The following LRFN2 variants were observed in gnomAD, a reference collection of about 807,000 sequenced individuals.
The protein encoded by LRFN2 is leucine rich repeat and fibronectin type III domain containing 2, also known as leucine-rich repeat and fibronectin type-III domain-containing protein 2.
LRFN2 carries 18 observed loss-of-function variants against 37.3 expected under a neutral mutation model. The observed-to-expected ratio is 0.48, with a 90% CI of 0.33 to 0.72. The LOEUF is 0.72. LRFN2 is among the 30% of genes least tolerant of loss of function. LRFN2 has a pLI of 0.02. For missense variants in LRFN2, 1,006 were observed against 1,060.7 expected, an observed-to-expected ratio of 0.95 and a Z score of 0.72; for synonymous variants, 556 against 466.6, an observed-to-expected ratio of 1.19 and a Z score of -2.47.
intron 1 of LRFN2, among the ~76,000 whole-genome samples, chr6:40,447,786 TACCTAGTAGGTGGTCC>T (rs1228684587): frequency 6.6e-6 from 1 of 152,142 alleles, no homozygotes; most frequent in Non-Finnish European, 1.5e-5. Context: ...CTGGGTGGCC[TACCTAGTAGGTGGTCC>T]ACCTAGTAGG....
chr6:40,430,937 AAG>A (rs1198286242), intron 2 of LRFN2, among the ~76,000 whole-genome samples: 6 of 152,172 alleles, frequency 3.9e-5, no homozygotes, highest in African/African-American at 1.4e-4. Flanking sequence ...TCCCAGGGGA[AAG>A]AGACTCCCTG....
chr6:40,461,654 T>C (rs1456760473), intron 1 of LRFN2, among the ~76,000 whole-genome samples: 10 of 140,152 alleles, frequency 7.1e-5, no homozygotes, highest in African/African-American at 2.4e-4. Flanking sequence ...ATACACGAGA[T>C]AAATAAAGTA....
At chr6:40,424,249 T>G (rs1763295016) in intron 2 of LRFN2, among the ~76,000 whole-genome samples, 1 of 152,188 alleles carries the variant, frequency 6.6e-6, no homozygotes, top group South Asian at 2.1e-4. Context: ...AGTATGAGAC[T>G]GAGTCTCGAC....
At chr6:40,405,818 C>T (rs1472177206) in intron 2 of LRFN2, among the ~76,000 whole-genome samples, 1 of 152,144 alleles carries the variant, frequency 6.6e-6, no homozygotes, top group Non-Finnish European at 1.5e-5. Context: ...GGAAATTAGG[C>T]CAAAGAAAGC....
chr6:40,434,530 G>A (rs574564697), intron 1 of LRFN2, among the ~76,000 whole-genome samples: 64 of 149,974 alleles, frequency 4.3e-4, no homozygotes, highest in African/African-American at 1.5e-3. Context: ...CCAGGGGAGC[G>A]CAGTGGCGCA....
chr6:40,449,919 G>GT, intron 1 of LRFN2, among the ~76,000 whole-genome samples: 1 of 152,004 alleles, frequency 6.6e-6, no homozygotes, highest in East Asian at 1.9e-4. Flanking sequence ...ACTTTGCATT[G>GT]TTTTGGTTTT....
intron 1 of LRFN2, among the ~76,000 whole-genome samples, chr6:40,437,345 G>A (rs944689283): frequency 3.3e-5 from 5 of 152,136 alleles, no homozygotes; most frequent in African/African-American, 9.7e-5. Context: ...CCTTGGCTGT[G>A]TTGCCTGCCC....
rs536694282 is a variant in LRFN2 at position 40,503,356 on chromosome 6, G to A, written c.-18-70225C>T. Among the ~76,000 whole-genome samples the A allele has an allele frequency of 5.9e-5, 9 of 152,246 alleles. No homozygotes were observed. In the South Asian group the frequency reaches 1.2e-3, roughly 21 times the overall value. On this transcript the variant is annotated intron_variant, in intron 1 of 2. Transcript: ENST00000338305. ...AGCTACTCAGGAAAACTGACTAGTC[G>A]CAGTAATGGAGAGACTGTAGTGGGG...
intron 1 of LRFN2, among the ~76,000 whole-genome samples, chr6:40,576,748 G>A (rs761420887): frequency 5.9e-5 from 9 of 152,168 alleles, no homozygotes; most frequent in Non-Finnish European, 1.3e-4. Context: ...CACTGAGCTG[G>A]GGCTTTGGGT....
At chr6:40,514,572 C>T (rs550724843) in intron 1 of LRFN2, among the ~76,000 whole-genome samples, 1 of 152,152 alleles carries the variant, frequency 6.6e-6, no homozygotes, top group Non-Finnish European at 1.5e-5. Context: ...GCCTTGGCCT[C>T]CCAAAGTGCT....
rs371212402 is a variant in LRFN2 at position 40,540,768 on chromosome 6, G to A, written c.-19+46173C>T. Among the ~76,000 whole-genome samples, 183 of 152,246 alleles carry A rather than the reference G, an allele frequency of 1.2e-3. 2 individuals are homozygous for A. In the South Asian group the frequency reaches 0.028, roughly 24 times the overall value. On this transcript the variant is annotated intron_variant, in intron 1 of 2. Coordinates refer to ENST00000338305, the MANE Select transcript of LRFN2 (RefSeq NM_020737.3). ...GGTGGGGCAAGCACCCTGTCCTGGG[G>A]ACACACACACCACGGCCCCCAGATG...
intron 2 of LRFN2, among the ~76,000 whole-genome samples, chr6:40,425,334 C>A (rs964959095): frequency 3.3e-5 from 5 of 152,226 alleles, no homozygotes; most frequent in African/African-American, 7.2e-5. Flanking sequence ...TAGGAGCATG[C>A]CTGCTCTTCC....
At position 40,392,500 on chromosome 6, in the gene LRFN2, G is replaced by T. The variant is rs765288706; in HGVS notation, c.1813C>A (p.Arg605Ser). 1 of 1,583,830 alleles carries T rather than the reference G, an allele frequency of 6.3e-7. No individual in the cohort carries two copies. Among genetic ancestry groups the T allele is most frequent in the Non-Finnish European group, 8.6e-7 (1 of 1,166,422 alleles). Residue 605 changes from arginine (R) to serine (S), a missense_variant, in exon 3 of 3, where the codon CGC (arginine) becomes AGC (serine). Physicochemically the swap from Arg to Ser is moderately radical, Grantham distance 110 (BLOSUM62 -1). Transcript: ENST00000338305. This position sits in a 1 kb window ranked among gnomAD's most constrained non-coding sequence, Gnocchi z 4.7. ...PPQGPPKVVV[R>S]NELLDFTASL... ...GCGGTGAAGTCCAGGAGCTCGTTGC[G>T]CACCACCACCTTCGGCGGGCCCTGC... is the stretch of plus-strand genomic sequence containing the variant.
chr6:40,535,959 C>CT (rs1766440869), intron 1 of LRFN2, among the ~76,000 whole-genome samples: 1 of 152,026 alleles, frequency 6.6e-6, no homozygotes, highest in Admixed American at 6.5e-5. Context: ...GATGCAGAAG[C>CT]CAATGGGTCC....
At position 40,392,496 on chromosome 6, in the gene LRFN2, T is replaced by C. The variant is rs1397207964; in HGVS notation, c.1817A>G (p.Asn606Ser). ...PQGPPKVVVR[N>S]ELLDFTASLA... ...GCTGGCGGTGAAGTCCAGGAGCTCGTTGCGCACCACCACCTTCGGCGGGCC... is the reference window on the plus strand; with the variant it reads ...GCTGGCGGTGAAGTCCAGGAGCTCGCTGCGCACCACCACCTTCGGCGGGCC... The change falls in exon 3 of 3, where the codon AAC becomes AGC. Residue 606 changes from asparagine (N) to serine (S), a missense_variant. By Grantham distance (46) the Asn-to-Ser change is conservative. This residue lies in a region of LRFN2 where 398 missense variants were observed against 327.6 expected (regional missense o/e 1.21). Transcript: ENST00000338305. The surrounding 1 kb of genome is among the most constrained non-coding windows in gnomAD (Gnocchi z 4.7). The C allele has an allele frequency of 4.4e-6, 7 of 1,581,472 alleles. No homozygotes were observed. In the African/African-American group the frequency reaches 5.4e-5, roughly 12 times the overall value.
intron 2 of LRFN2, among the ~76,000 whole-genome samples, chr6:40,396,282 G>A (rs1322813102): frequency 6.6e-6 from 1 of 152,046 alleles, no homozygotes; most frequent in Non-Finnish European, 1.5e-5. Context: ...CAGCTAGTAA[G>A]TTGGCAGAGC....
chr6:40,486,580 C>G (rs889545964), intron 1 of LRFN2, among the ~76,000 whole-genome samples: 1 of 152,126 alleles, frequency 6.6e-6, no homozygotes, highest in African/African-American at 2.4e-5. Flanking sequence ...CTGGGCACTT[C>G]TCTGGGTGGA....
chr6:40,410,445 C>T (rs1008836656), intron 2 of LRFN2, among the ~76,000 whole-genome samples: 2 of 152,166 alleles, frequency 1.3e-5, no homozygotes, highest in African/African-American at 4.8e-5. Flanking sequence ...GTGACCTGGG[C>T]TCAAATCCCA....
intron 1 of LRFN2, among the ~76,000 whole-genome samples, chr6:40,437,474 A>G (rs1420811569): frequency 5.3e-5 from 8 of 152,210 alleles, no homozygotes; most frequent in Non-Finnish European, 8.8e-5. Flanking sequence ...CTTGTAAATT[A>G]TGTTAAACAA....
Sources: allele counts gnomAD v4.1 joint callset (sites outside exome capture counted in the v4.1 genomes callset), GRCh38; gene constraint gnomAD v4.1.1; regional missense constraint gnomAD v4.1.1; non-coding constraint Gnocchi (gnomAD v3.1); transcripts MANE v1.5; gene names NCBI Gene and HGNC (gene_info 2026-07-23, HGNC 2026-07-21).